KCNN3: variants seen among roughly 807,000 people sequenced by gnomAD.
KCNN3 encodes the protein potassium calcium-activated channel subfamily N member 3.
Under a neutral mutation model 62.9 loss-of-function variants are expected in KCNN3, and 16 were observed. That is an observed-to-expected ratio of 0.25 (90% CI 0.17 to 0.39). KCNN3 has a LOEUF of 0.39. KCNN3 is among the 10% of genes least tolerant of loss of function. The pLI is 1.00. For missense variants in KCNN3, 599 were observed against 949.4 expected (o/e 0.63, Z 4.85); for synonymous variants, 370 against 389.2 (o/e 0.95, Z 0.58).
In KCNN3 at chr1:154,719,263, G is replaced by C. The variant is rs76539744; in HGVS notation, c.1702-4260C>G. Reference sequence around the variant, plus strand: ...CCTTGCCAGGGAAGTATTCTACTTGGAGGTTGGAGACGGGGAAAGGGAGGC... The same window carrying C: ...CCTTGCCAGGGAAGTATTCTACTTGCAGGTTGGAGACGGGGAAAGGGAGGC... On this transcript the variant is annotated intron_variant, in intron 5 of 7. Coordinates refer to ENST00000271915, the MANE Select transcript of KCNN3 (RefSeq NM_002249.6). 8.9e-3 allele frequency among the ~76,000 whole-genome samples: 1,358 copies of C among 152,286 alleles called. 21 individuals are homozygous for C. Among genetic ancestry groups the C allele is most frequent in the African/African-American group, 0.031 (1,293 of 41,558 alleles).
intron 6 of KCNN3, among the ~76,000 whole-genome samples, chr1:154,714,591 T>A (rs1305362709): frequency 2.0e-5 from 1 of 49,062 alleles, no homozygotes; most frequent in Non-Finnish European, 4.4e-5. Context: ...GTGTGTATGG[T>A]GTGTGTGATG....
chr1:154,762,432 G>T (rs1648061024), intron 3 of KCNN3, among the ~76,000 whole-genome samples: 1 of 152,152 alleles, frequency 6.6e-6, no homozygotes, highest in African/African-American at 2.4e-5. Flanking sequence ...TATGTGTTGT[G>T]TGTTTTATTT....
intron 2 of KCNN3, among the ~76,000 whole-genome samples, chr1:154,773,392 T>G (rs537706032): frequency 1.2e-3 from 190 of 152,322 alleles, no homozygotes; most frequent in African/African-American, 4.4e-3. Flanking sequence ...TTTCCCTGAG[T>G]TCTGTGAGCT....
intron 1 of KCNN3, 112 bp downstream of exon 1, chr1:154,868,900 ATCTCTCTCTCTCTCTCTCTC>A (rs60145117): frequency 2.2e-5 from 17 of 759,576 alleles, no homozygotes; most frequent in African/African-American, 1.2e-4. Context: ...CAATCTCTCA[ATCTCTCTCTCTCTCTCTCTC>A]TCTCTCTCTC....
chr1:154,852,103 T>G (rs1220301497), intron 1 of KCNN3, among the ~76,000 whole-genome samples: 1 of 152,280 alleles, frequency 6.6e-6, no homozygotes, highest in Non-Finnish European at 1.5e-5. Flanking sequence ...CCAGTGCAAC[T>G]GGATTTTAAG....
At chr1:154,743,560 A>C (rs574776809) in intron 3 of KCNN3, among the ~76,000 whole-genome samples, 1 of 152,270 alleles carries the variant, frequency 6.6e-6, no homozygotes, top group East Asian at 1.9e-4. Flanking sequence ...GATGGCCCTG[A>C]CTTACAATGG....
intron 7 of KCNN3, among the ~76,000 whole-genome samples, chr1:154,708,955 CCTGAAGGGCCACT>C (rs1700020409): frequency 1.3e-5 from 2 of 152,070 alleles, no homozygotes; most frequent in Admixed American, 6.5e-5. Flanking sequence ...GTGGGACATC[CCTGAAGGGCCACT>C]CTGAAGGGCT....
chr1:154,742,260 TTGCCTG>T (rs1700836470), intron 3 of KCNN3, among the ~76,000 whole-genome samples: 1 of 152,232 alleles, frequency 6.6e-6, no homozygotes, highest in African/African-American at 2.4e-5. Flanking sequence ...CCCCAGCTCT[TTGCCTG>T]TGTCTCCCAC....
At chr1:154,732,738 C>A (rs1322339320) in intron 4 of KCNN3, among the ~76,000 whole-genome samples, 1 of 152,190 alleles carries the variant, frequency 6.6e-6, no homozygotes, top group African/African-American at 2.4e-5. Flanking sequence ...CAGCTTCACC[C>A]AGCCCATTTT....
intron 1 of KCNN3, among the ~76,000 whole-genome samples, chr1:154,833,065 C>G (rs893975374): frequency 1.3e-5 from 2 of 152,184 alleles, no homozygotes; most frequent in African/African-American, 2.4e-5. Flanking sequence ...TATCACCCCT[C>G]CAATTGGCCT....
intron 1 of KCNN3, among the ~76,000 whole-genome samples, chr1:154,832,710 G>A (rs769791065): frequency 2.2e-4 from 33 of 152,300 alleles, no homozygotes; most frequent in Non-Finnish European, 4.7e-4. Flanking sequence ...GCTCCCAAAT[G>A]AATAAAACAG....
At position 154,813,880 on chromosome 1, in the gene KCNN3, G is replaced by A. The variant is rs528592046; in HGVS notation, c.1029+8209C>T. 3.7e-4 allele frequency among the ~76,000 whole-genome samples: 56 copies of A among 152,356 alleles called. 1 individual carries two copies. The South Asian group carries it at 0.012, about 32-fold the overall frequency. ...AGCAGCCGGGGGCCCTCACACCTGAGGGACAGGGAGCAGGGGCAGGAAAGC... is the reference window on the plus strand; with the variant it reads ...AGCAGCCGGGGGCCCTCACACCTGAAGGACAGGGAGCAGGGGCAGGAAAGC... On this transcript the variant is annotated intron_variant, in intron 2 of 7. Transcript: ENST00000271915.
At chr1:154,805,879 G>A (rs1650154625) in intron 2 of KCNN3, among the ~76,000 whole-genome samples, 1 of 152,214 alleles carries the variant, frequency 6.6e-6, no homozygotes, top group African/African-American at 2.4e-5. Context: ...AATTAAGGAT[G>A]CAGATAGAAT....
intron 1 of KCNN3, chr1:154,868,000 G>T (rs1277925118): frequency 1.0e-6 from 1 of 985,362 alleles, no homozygotes; most frequent in African/African-American, 1.7e-5. Context: ...TCCGTCTTGG[G>T]GCTGGACTGA....
chr1:154,777,211 A>C (rs1648827875), intron 2 of KCNN3, among the ~76,000 whole-genome samples: 2 of 151,438 alleles, frequency 1.3e-5, no homozygotes. Context: ...GTGGTTCTAC[A>C]CAGACCCTCT....
chr1:154,738,097 T>C (rs940338118), intron 3 of KCNN3, among the ~76,000 whole-genome samples: 20 of 152,146 alleles, frequency 1.3e-4, no homozygotes, highest in Non-Finnish European at 1.5e-4. Flanking sequence ...CTTAAGGGCA[T>C]GAGTTTCTAG....
intron 1 of KCNN3, among the ~76,000 whole-genome samples, chr1:154,863,761 C>T (rs1045953896): frequency 1.1e-4 from 16 of 152,238 alleles, no homozygotes; most frequent in Non-Finnish European, 1.5e-5. Context: ...TCTACTTAGG[C>T]TGTGCAGGAG....
chr1:154,848,323 T>C (rs1157023545), intron 1 of KCNN3, among the ~76,000 whole-genome samples: 1 of 152,060 alleles, frequency 6.6e-6, no homozygotes, highest in Non-Finnish European at 1.5e-5. Flanking sequence ...GCTGCCTGCC[T>C]CCCCAGACCT....
chr1:154,749,505 G>GT (rs1647253336), intron 3 of KCNN3, among the ~76,000 whole-genome samples: 1 of 152,168 alleles, frequency 6.6e-6, no homozygotes, highest in Non-Finnish European at 1.5e-5. Context: ...GAATTTTCTT[G>GT]TTTTTGTTTC....
Sources: allele counts gnomAD v4.1 joint callset (sites outside exome capture counted in the v4.1 genomes callset), GRCh38; gene constraint gnomAD v4.1.1; transcripts MANE v1.5; gene names NCBI Gene and HGNC (gene_info 2026-07-23, HGNC 2026-07-21).